Variants in WDR11 observed in about 807,000 individuals in gnomAD.
WDR11 encodes WD repeat domain 11, also known as WD repeat-containing protein 11.
Under a neutral mutation model 151.2 loss-of-function variants are expected in WDR11, and 83 were observed. That is an observed-to-expected ratio of 0.55 (90% CI 0.46 to 0.66). WDR11 has a LOEUF of 0.66. Ranked by LOEUF, WDR11 falls within the 30% of genes least tolerant of loss-of-function variation. The probability of loss-of-function intolerance (pLI) is 0.00; values close to 1 mark genes in which losing one functional copy is unlikely to be tolerated. For missense variants in WDR11, 1,301 were observed against 1,480.9 expected, an observed-to-expected ratio of 0.88 and a Z score of 1.99; for synonymous variants, 484 against 533.1, an observed-to-expected ratio of 0.91 and a Z score of 1.27.
chr10:120,889,938 G>A lies in WDR11; in HGVS notation c.2272G>A (p.Ala758Thr). The change falls in exon 18 of 29, where the codon GCT (alanine) becomes ACT (threonine). Residue 758 changes from alanine (A) to threonine (T), a missense_variant. Ala to Thr is a moderately conservative substitution (Grantham distance 58). Transcript: ENST00000263461. ...HRSWVRKIRF[A>T]PGKGNQKLIA... ...AAGTTGGGTGAGGAAGATTCGTTTT[G>A]CTCCTGGTAAAGGAAATCAAAAATT... 1.2e-6 allele frequency: 2 copies of A among 1,614,090 alleles called. No individual in the cohort carries two copies. Among genetic ancestry groups the A allele is most frequent in the South Asian group, 1.1e-5 (1 of 91,080 alleles).
chr10:120,869,106 GTTTTT>G (rs35675368), intron 9 of WDR11, among the ~76,000 whole-genome samples: 1 of 82,020 alleles, frequency 1.2e-5, no homozygotes. Context: ...TAAATTACAG[GTTTTT>G]TTTTTTTTTT....
At chr10:120,851,721 C>T (rs906912444) in intron 1 of WDR11, 2 of 618,878 alleles carry the variant, frequency 3.2e-6, no homozygotes, top group Admixed American at 2.7e-5. Flanking sequence ...ATACATTTCC[C>T]CTCTTTCTCG....
intron 2 of WDR11, among the ~76,000 whole-genome samples, chr10:120,857,612 C>G (rs890099415): frequency 6.6e-6 from 1 of 152,152 alleles, no homozygotes; most frequent in Non-Finnish European, 1.5e-5. Flanking sequence ...AAGGCCTGTT[C>G]ACGCTCATTT....
intron 19 of WDR11, among the ~76,000 whole-genome samples, chr10:120,897,484 A>G (rs898238339): frequency 2.0e-5 from 3 of 152,218 alleles, no homozygotes; most frequent in African/African-American, 7.2e-5. Context: ...CCCCTTATCT[A>G]GATGATCAGA....
At chr10:120,873,469 CTTAT>C (rs1324698697) in intron 10 of WDR11, among the ~76,000 whole-genome samples, 1 of 152,168 alleles carries the variant, frequency 6.6e-6, no homozygotes, top group African/African-American at 2.4e-5. Context: ...TGCTAGATTG[CTTAT>C]TTGAGGACCA....
intron 12 of WDR11, chr10:120,879,297 A>G (rs952093101): frequency 2.6e-5 from 4 of 152,146 alleles, no homozygotes; most frequent in South Asian, 2.1e-4. Context: ...TCAAAGATCC[A>G]GTTGTTCTTA....
intron 12 of WDR11, chr10:120,880,451 G>A (rs1846957838): frequency 9.1e-6 from 2 of 220,438 alleles, no homozygotes; most frequent in South Asian, 1.4e-4. Flanking sequence ...CTAGAGGTTA[G>A]GAGATCGAGA....
intron 25 of WDR11, 51 bp downstream of exon 25, chr10:120,904,862 TC>T (rs1268047170): frequency 3.1e-6 from 5 of 1,605,648 alleles, no homozygotes; most frequent in Non-Finnish European, 4.3e-6. Flanking sequence ...GAGACCTTGT[TC>T]CCAGCAAAGT....
At position 120,874,185 on chromosome 10, in the gene WDR11, TTTTTTTTGTTGTTGTTGTTGTTGTTTG is replaced by T. The variant is rs1846655225; in HGVS notation, c.1556+267_1556+293del. Among the ~76,000 whole-genome samples the T allele has an allele frequency of 1.2e-4, 8 of 64,480 alleles. No individual in the cohort carries two copies. The Middle Eastern group carries it at 0.025, about 202-fold the overall frequency. The allele number at this position is 64,480 out of a possible 152,430, so 42.3% of individuals were successfully genotyped here. ...AATTGCGGTTTTTGCAGTTTTTTTT[TTTTTTTTGTTGTTGTTGTTGTTGTTTG>T]TTTTGTTTTGTTTTGTTTTTTTTAA... On this transcript the variant is annotated intron_variant, in intron 11 of 28. Coordinates refer to ENST00000263461, the MANE Select transcript of WDR11 (RefSeq NM_018117.12).
At chr10:120,868,913 A>G (rs1169848210) in intron 9 of WDR11, among the ~76,000 whole-genome samples, 2 of 151,962 alleles carry the variant, frequency 1.3e-5, no homozygotes, top group African/African-American at 2.4e-5. Context: ...GGAAGCCTGG[A>G]CACATGTTTT....
At chr10:120,905,466 G>C (rs375024249) in intron 26 of WDR11, 50 bp downstream of exon 26, 2 of 1,591,254 alleles carry the variant, frequency 1.3e-6, no homozygotes, top group African/African-American at 2.7e-5. Flanking sequence ...GGGATAGAAA[G>C]CTCAGTCCTG....
chr10:120,900,904 G>T, intron 20 of WDR11, 132 bp from the exon 21 acceptor site: 2 of 688,608 alleles, frequency 2.9e-6, no homozygotes, highest in Non-Finnish European at 5.3e-6. Flanking sequence ...TGTTATTTTG[G>T]TCTATAACCA....
Position 120,905,350 on chromosome 10 carries a change from G to A in WDR11, c.3225G>A (p.Lys1075=), listed in dbSNP as rs1308702530. ...EGVQLLCLID[K]AADACRYLQT... The stretch of plus-strand genomic sequence containing the variant: ...TTCAGTTGCTCTGCCTGATAGATAA[G>A]GCTGCAGACGCCTGCCGCTACCTGC... The change falls in exon 26 of 29, where the codon AAG becomes AAA. Residue 1075 remains lysine (K), a synonymous_variant. Transcript: ENST00000263461. 2 of 1,614,146 alleles carry A rather than the reference G, an allele frequency of 1.2e-6. No individual in the cohort carries two copies. Among genetic ancestry groups the A allele is most frequent in the Non-Finnish European group, 1.7e-6 (2 of 1,180,032 alleles).
intron 2 of WDR11, 46 bp from the exon 3 acceptor site, chr10:120,858,597 T>A (rs1387811380): frequency 1.2e-6 from 2 of 1,611,600 alleles, no homozygotes; most frequent in African/African-American, 1.3e-5. Context: ...ATGTTCTGTT[T>A]CATCCAGCGC....
chr10:120,897,730 A>T (rs1019455207), intron 19 of WDR11, among the ~76,000 whole-genome samples: 1 of 152,210 alleles, frequency 6.6e-6, no homozygotes, highest in Non-Finnish European at 1.5e-5. Context: ...CTAGATTGGA[A>T]TAGACTAAAG....
Position 120,860,146 on chromosome 10 carries a change from T to C in WDR11, c.390T>C (p.Asp130=). The change falls in exon 4 of 29, where the codon GAT becomes GAC. Residue 130 remains aspartate (D), a synonymous_variant. Transcript: ENST00000263461. ...QWLWNQDASR[D]LLLAIHPPNY... ...TGTGGAATCAAGATGCTTCCCGCGATTTACTGCTTGCTATCCACCCGCCAA... is the reference window on the plus strand; with the variant it reads ...TGTGGAATCAAGATGCTTCCCGCGACTTACTGCTTGCTATCCACCCGCCAA... 1 of 1,614,186 alleles carries C rather than the reference T, an allele frequency of 6.2e-7. No individual in the cohort carries two copies. Among genetic ancestry groups the C allele is most frequent in the Non-Finnish European group, 8.5e-7 (1 of 1,180,022 alleles).
intron 19 of WDR11, among the ~76,000 whole-genome samples, chr10:120,893,087 A>G (rs952160236): frequency 9.9e-5 from 15 of 151,732 alleles, no homozygotes; most frequent in African/African-American, 3.6e-4. Flanking sequence ...ATATGTATAC[A>G]TGTGCCATGT....
Position 120,873,602 on chromosome 10 carries a change from A to G in WDR11, c.1472-237A>G, listed in dbSNP as rs186398385. ...TAAGTTTTAAGGTCTTTCTGTGAAA[A>G]ATCTATTCCTGGAATTAGGCAAGGC... On this transcript the variant is annotated intron_variant, in intron 10 of 28. Coordinates refer to ENST00000263461, the MANE Select transcript of WDR11 (RefSeq NM_018117.12). Among the ~76,000 whole-genome samples, 4 of 152,328 alleles carry G rather than the reference A, an allele frequency of 2.6e-5. No homozygotes were observed. In the East Asian group the frequency reaches 5.8e-4, roughly 22 times the overall value.
chr10:120,869,444 G>A (rs531644875), intron 9 of WDR11, among the ~76,000 whole-genome samples: 1 of 148,962 alleles, frequency 6.7e-6, no homozygotes, highest in Non-Finnish European at 1.5e-5. Flanking sequence ...AAATGGATAC[G>A]GATTGTATAG....
Sources: gnomAD v4.1 joint callset for allele counts (sites outside exome capture counted in the v4.1 genomes callset) on GRCh38, gnomAD v4.1.1 for gene constraint, MANE v1.5 for transcripts, NCBI Gene and HGNC (gene_info 2026-07-23, HGNC 2026-07-21) for gene names.